The following HMCN1 variants were observed in gnomAD, a reference collection of about 807,000 sequenced individuals.
HMCN1 encodes hemicentin 1, also known as hemicentin-1.
A neutral mutation model predicts 625.9 loss-of-function variants in HMCN1; 321 were observed. The observed-to-expected ratio is 0.51, with a 90% CI of 0.47 to 0.56. The LOEUF is 0.56. Ranked by LOEUF, HMCN1 falls within the 20% of genes least tolerant of loss-of-function variation. The pLI is 0.00. For missense variants in HMCN1, 6,588 were observed against 6,887.3 expected, an observed-to-expected ratio of 0.96 and a Z score of 1.54; for synonymous variants, 2,425 against 2,417.6, an observed-to-expected ratio of 1.00 and a Z score of -0.09.
intron 8 of HMCN1, among the ~76,000 whole-genome samples, chr1:185,924,386 T>A (rs1172644480): frequency 6.6e-6 from 1 of 151,744 alleles, no homozygotes; most frequent in Non-Finnish European, 1.5e-5. Flanking sequence ...GCCTGCCACC[T>A]CGCCCAGCTA....
chr1:185,746,333 T>C (rs1011758435), intron 1 of HMCN1, among the ~76,000 whole-genome samples: 3 of 152,192 alleles, frequency 2.0e-5, no homozygotes, highest in African/African-American at 7.2e-5. Flanking sequence ...CAGGGCCTAC[T>C]CCTAGGGCTG....
intron 1 of HMCN1, among the ~76,000 whole-genome samples, chr1:185,798,218 T>C (rs1426309848): frequency 1.3e-5 from 2 of 152,144 alleles, no homozygotes; most frequent in African/African-American, 4.8e-5. Context: ...TTAAGAATTA[T>C]GGAAATAAGA....
intron 6 of HMCN1, among the ~76,000 whole-genome samples, chr1:185,917,104 A>G (rs192244732): frequency 8.2e-4 from 125 of 152,216 alleles, no homozygotes; most frequent in African/African-American, 3.0e-3. Context: ...GTGTTCAGCA[A>G]CATCATGTTG....
intron 100 of HMCN1, 91 bp downstream of exon 100, chr1:186,167,033 C>G: frequency 2.0e-6 from 3 of 1,517,942 alleles, no homozygotes; most frequent in South Asian, 2.3e-5. Flanking sequence ...CTCAGAAACT[C>G]CACGAGGAAG....
rs16824983 is a variant in HMCN1, at chr1:186,166,899, T to C, written c.15531T>C (p.Cys5177=). The C allele has an allele frequency of 2.1e-3, 3,396 of 1,614,164 alleles. 64 individuals are homozygous for C. In the African/African-American group the frequency reaches 0.041, roughly 19 times the overall value. Residue 5177 remains cysteine (C), a synonymous_variant, in exon 100 of 107, where the codon TGT becomes TGC. Transcript: ENST00000271588. ...GATCTTATCGCTGTGTGGTCCGTTG[T>C]GGAAGTGGCTTTCGAAGAACCTCTG... ...TIGSYRCVVR[C]GSGFRRTSDG... is the part of the protein sequence containing the mutation.
In HMCN1 at chr1:186,154,136, T is replaced by G. The variant is rs1358382280; in HGVS notation, c.15256+149T>G. The G allele has an allele frequency of 8.6e-6, 6 of 694,308 alleles. No homozygotes were observed. The East Asian group carries it at 1.4e-4, about 16-fold the overall frequency. The allele number at this position is 694,308 out of a possible 1,614,324, so 43.0% of individuals were successfully genotyped here. A position where few individuals can be genotyped will look rare whatever the true frequency, so the allele number is the denominator to read the frequency against. On this transcript the variant is annotated intron_variant, in intron 97 of 106. Transcript: ENST00000271588. ...TGCCTTTTTGTTAAGTAAAGCCCTA[T>G]GGAAAAGCCAACCCAATTGGAGTTC...
intron 64 of HMCN1, 138 bp from the exon 65 acceptor site, chr1:186,092,996 G>A (rs1187711801): frequency 6.6e-6 from 7 of 1,062,634 alleles, no homozygotes. Context: ...TGGTAGATAT[G>A]AGACTCGCTA....
chr1:185,911,616 C>T (rs1558059374), intron 5 of HMCN1, 58 bp from the exon 6 acceptor site: 4 of 1,191,976 alleles, frequency 3.4e-6, no homozygotes, highest in Non-Finnish European at 5.0e-6. Flanking sequence ...GTTAAATTAG[C>T]TAATATACAT....
intron 11 of HMCN1, among the ~76,000 whole-genome samples, chr1:185,955,372 CAT>C (rs889603809): frequency 2.0e-5 from 3 of 151,934 alleles, no homozygotes; most frequent in African/African-American, 7.3e-5. Context: ...TAAAGCAATG[CAT>C]AGAGAAAAAA....
intron 2 of HMCN1, among the ~76,000 whole-genome samples, chr1:185,857,867 C>G (rs1662569620): frequency 6.6e-6 from 1 of 152,150 alleles, no homozygotes; most frequent in Non-Finnish European, 1.5e-5. Flanking sequence ...AATTATAATA[C>G]ATCTTATTGA....
At chr1:185,743,564 C>T (rs76539728) in intron 1 of HMCN1, among the ~76,000 whole-genome samples, 2,305 of 152,250 alleles carry the variant, frequency 0.015, 55 homozygotes, top group African/African-American at 0.048. Context: ...GGTGTTAGAA[C>T]AATTGAACTG....
In HMCN1 at chr1:185,892,131, G is replaced by A. The variant is rs187781894; in HGVS notation, c.622-17206G>A. 6.7e-4 allele frequency among the ~76,000 whole-genome samples: 99 copies of A among 148,668 alleles called. No individual in the cohort carries two copies. In the East Asian group the frequency reaches 0.018, roughly 27 times the overall value. ...GTCCTGAGGCTTCTGCATTCTTCAC[G>A]TAGTTCTCGAGCCTTGGTTTTCAGC... is the stretch of plus-strand genomic sequence containing the variant. On this transcript the variant is annotated intron_variant, in intron 4 of 106. Transcript: ENST00000271588.
At chr1:185,961,958 CTT>C (rs1472265397) in intron 11 of HMCN1, among the ~76,000 whole-genome samples, 3 of 151,964 alleles carry the variant, frequency 2.0e-5, no homozygotes, top group Admixed American at 2.0e-4. Context: ...TTTTAAGTGT[CTT>C]TTATATACAA....
chr1:186,024,148 G>A lies in HMCN1; in HGVS notation c.5749+995G>A, dbSNP rs975808568. Among the ~76,000 whole-genome samples the A allele has an allele frequency of 1.4e-4, 21 of 152,074 alleles. 1 individual carries two copies. The highest frequency in any genetic ancestry group is 1.3e-3 in the Admixed American group (20 of 15,266). On this transcript the variant is annotated intron_variant, in intron 36 of 106. Transcript: ENST00000271588. ...TGTCTACATACATACCATAACATAC[G>A]TAAACCATGTGGGTCTTTATTCTTT...
At chr1:186,029,060 C>T (rs1330547257) in intron 36 of HMCN1, among the ~76,000 whole-genome samples, 1 of 151,868 alleles carries the variant, frequency 6.6e-6, no homozygotes, top group Non-Finnish European at 1.5e-5. Flanking sequence ...TATATGGAAA[C>T]TACCTTGAGG....
At position 185,982,326 on chromosome 1, in the gene HMCN1, G is replaced by A. The variant is rs775972475; in HGVS notation, c.2727G>A (p.Leu909=). 4 of 1,613,228 alleles carry A rather than the reference G, an allele frequency of 2.5e-6. No homozygotes were observed. The highest frequency in any genetic ancestry group is 2.5e-6 in the Non-Finnish European group (3 of 1,179,284). Residue 909 remains leucine (L), a synonymous_variant, in exon 18 of 107, where the codon TTG becomes TTA. Coordinates refer to ENST00000271588, the MANE Select transcript of HMCN1 (RefSeq NM_031935.3). ...ANVIEGQQLT[L]PCTLLAGNPI... is the part of the protein sequence containing the mutation. ...TTATTGAAGGACAGCAGCTTACTTT[G>A]CCCTGTACTCTGTTAGCTGGAAATC...
chr1:185,800,254 T>C (rs886412485), intron 1 of HMCN1, among the ~76,000 whole-genome samples: 1 of 152,182 alleles, frequency 6.6e-6, no homozygotes, highest in African/African-American at 2.4e-5. Flanking sequence ...TGCTTCCCTC[T>C]TTGCTTTCAG....
chr1:186,042,479 G>T (rs1040561408), intron 40 of HMCN1, among the ~76,000 whole-genome samples: 1 of 152,090 alleles, frequency 6.6e-6, no homozygotes. Flanking sequence ...ACTGGCTAGC[G>T]TCAAGGGTGA....
chr1:186,064,770 A>G (rs1216376306), intron 48 of HMCN1, among the ~76,000 whole-genome samples: 1 of 145,706 alleles, frequency 6.9e-6, no homozygotes, highest in Non-Finnish European at 1.5e-5. Context: ...AGATCACACC[A>G]CTGCACTCCA....
Sources: allele counts gnomAD v4.1 joint callset (sites outside exome capture counted in the v4.1 genomes callset), GRCh38; gene constraint gnomAD v4.1.1; transcripts MANE v1.5; gene names NCBI Gene and HGNC (gene_info 2026-07-23, HGNC 2026-07-21).